ANKRD44: variants seen among roughly 807,000 people sequenced by gnomAD.
The protein encoded by ANKRD44 is ankyrin repeat domain 44.
Under a neutral mutation model 116.0 loss-of-function variants are expected in ANKRD44, and 35 were observed. That is an observed-to-expected ratio of 0.30 (90% CI 0.23 to 0.40). ANKRD44 has a LOEUF of 0.40. Ranked by LOEUF, ANKRD44 falls within the 10% of genes least tolerant of loss-of-function variation. ANKRD44 has a pLI of 1.00. For missense variants in ANKRD44, 1,014 were observed against 1,242.6 expected, an observed-to-expected ratio of 0.82 and a Z score of 2.77; for synonymous variants, 435 against 461.8, an observed-to-expected ratio of 0.94 and a Z score of 0.74.
At chr2:197,128,509 G>GTC (rs1464623159) in intron 4 of ANKRD44, among the ~76,000 whole-genome samples, 1 of 152,154 alleles carries the variant, frequency 6.6e-6, no homozygotes, top group Non-Finnish European at 1.5e-5. Flanking sequence ...ATAAATTTGT[G>GTC]TAAGTTCCTT....
intron 21 of ANKRD44, among the ~76,000 whole-genome samples, chr2:196,975,176 G>A (rs1048943081): frequency 6.6e-6 from 1 of 152,106 alleles, no homozygotes; most frequent in Admixed American, 6.5e-5. Flanking sequence ...GGAATACTAT[G>A]AAAAATTGTA....
intron 3 of ANKRD44, among the ~76,000 whole-genome samples, chr2:197,142,500 T>C (rs1176442133): frequency 1.3e-5 from 2 of 152,204 alleles, no homozygotes; most frequent in South Asian, 2.1e-4. Context: ...ACAATTACCA[T>C]AGAAGAGGGT....
intron 1 of ANKRD44, among the ~76,000 whole-genome samples, chr2:197,293,583 A>G (rs1052001690): frequency 1.3e-5 from 2 of 152,196 alleles, no homozygotes; most frequent in Non-Finnish European, 2.9e-5. Context: ...CAAAATTCTA[A>G]AAAAAGAAAA....
At chr2:197,202,130 A>G (rs1245908568) in intron 1 of ANKRD44, among the ~76,000 whole-genome samples, 2 of 152,208 alleles carry the variant, frequency 1.3e-5, no homozygotes, top group Non-Finnish European at 2.9e-5. Context: ...GCTTGCTCTC[A>G]CTTTTAGAGT....
intron 3 of ANKRD44, among the ~76,000 whole-genome samples, chr2:197,145,765 G>A (rs1051697522): frequency 2.0e-5 from 3 of 152,124 alleles, no homozygotes; most frequent in Non-Finnish European, 2.9e-5. Context: ...CACCACATCT[G>A]CTTGAATGCA....
chr2:197,307,949 TGTTTGAGCCCAAGA>T (rs2084122717), intron 1 of ANKRD44, among the ~76,000 whole-genome samples: 1 of 152,134 alleles, frequency 6.6e-6, no homozygotes, highest in Non-Finnish European at 1.5e-5. Flanking sequence ...GCAGGTGGAC[TGTTTGAGCCCAAGA>T]GTTTGAGACC....
intron 1 of ANKRD44, among the ~76,000 whole-genome samples, chr2:197,211,173 T>A (rs1313577683): frequency 6.6e-6 from 1 of 152,156 alleles, no homozygotes; most frequent in Admixed American, 6.5e-5. Flanking sequence ...TTTGGGCAGA[T>A]CCAAGGACAC....
rs1372491974 is a variant in ANKRD44, at chr2:196,989,461, A to C, written c.*130T>G. 1 of 1,296,566 alleles carries C rather than the reference A, an allele frequency of 7.7e-7. No homozygotes were observed. The allele number at this position is 1,296,566 out of a possible 1,614,324, so 80.3% of individuals were successfully genotyped here. A position where few individuals can be genotyped will look rare whatever the true frequency, so the allele number is the denominator to read the frequency against. ...TGAAGGAAAAAAATGTGTATCTTCC[A>C]TTTTAGACTGAAGCATTTTGGTCCT... is the stretch of plus-strand genomic sequence containing the variant. On this transcript the variant is annotated 3_prime_UTR_variant, in exon 28 of 28. Transcript: ENST00000282272.
chr2:197,008,371 G>A (rs1298869240), intron 19 of ANKRD44, among the ~76,000 whole-genome samples: 1 of 152,180 alleles, frequency 6.6e-6, no homozygotes, highest in African/African-American at 2.4e-5. Flanking sequence ...CAAGTCTCCG[G>A]GAAAGAATGA....
intron 16 of ANKRD44, among the ~76,000 whole-genome samples, chr2:197,038,230 G>A (rs1029222838): frequency 1.1e-4 from 17 of 152,276 alleles, no homozygotes; most frequent in Middle Eastern, 3.4e-3. Flanking sequence ...GATGATAATG[G>A]AGGAGGCTGT....
chr2:197,295,594 T>C (rs2083696734), intron 1 of ANKRD44, among the ~76,000 whole-genome samples: 1 of 152,168 alleles, frequency 6.6e-6, no homozygotes, highest in Non-Finnish European at 1.5e-5. Context: ...GTTAAAACTA[T>C]AGAAGACTGG....
chr2:197,254,201 C>T (rs57403729), intron 1 of ANKRD44, among the ~76,000 whole-genome samples: 17,498 of 152,106 alleles, frequency 0.12, 1,089 homozygotes, highest in African/African-American at 0.14. Flanking sequence ...GAGACCAGCC[C>T]GACCAACATG....
At chr2:197,103,754 C>G (rs2078360102) in intron 9 of ANKRD44, among the ~76,000 whole-genome samples, 1 of 151,898 alleles carries the variant, frequency 6.6e-6, no homozygotes, top group Non-Finnish European at 1.5e-5. Context: ...AAGAAGAAAA[C>G]AGAAGTCATC....
At chr2:197,194,854 T>C (rs963944167) in intron 1 of ANKRD44, among the ~76,000 whole-genome samples, 2 of 152,122 alleles carry the variant, frequency 1.3e-5, no homozygotes, top group Non-Finnish European at 1.5e-5. Context: ...GGGCTCCGCA[T>C]GGGTCTGAGT....
At chr2:197,142,991 AAG>A (rs985351954) in intron 3 of ANKRD44, among the ~76,000 whole-genome samples, 28 of 151,356 alleles carry the variant, frequency 1.8e-4, no homozygotes, top group African/African-American at 6.5e-4. Context: ...AAAAAAAAAA[AAG>A]TAAATTAAAT....
At position 197,246,221 on chromosome 2, in the gene ANKRD44, C is replaced by G. The variant is rs183241264; in HGVS notation, c.28-59115G>C. On this transcript the variant is annotated intron_variant, in intron 1 of 27. Coordinates refer to ENST00000282272, the MANE Select transcript of ANKRD44 (RefSeq NM_001195144.2). The stretch of plus-strand genomic sequence containing the variant: ...TATTTATTTAGACAGTGATCTCACT[C>G]TGTCACCCAGGCTGGAGTACAATGG... 1.9e-3 allele frequency among the ~76,000 whole-genome samples: 284 copies of G among 152,142 alleles called. 1 individual carries two copies. The highest frequency in any genetic ancestry group is 6.7e-3 in the African/African-American group (278 of 41,484).
At chr2:197,279,552 C>A (rs377732859) in intron 1 of ANKRD44, among the ~76,000 whole-genome samples, 1 of 152,328 alleles carries the variant, frequency 6.6e-6, no homozygotes, top group East Asian at 1.9e-4. Context: ...TGCCCATACA[C>A]ACCCTCTGCT....
chr2:197,144,698 G>C (rs1426079984), intron 3 of ANKRD44, among the ~76,000 whole-genome samples: 1 of 152,196 alleles, frequency 6.6e-6, no homozygotes, highest in Non-Finnish European at 1.5e-5. Context: ...CAAGTGAATA[G>C]ATTAAAATAT....
chr2:197,068,358 T>TAATAAAAAA (rs1339723356), intron 16 of ANKRD44, among the ~76,000 whole-genome samples: 8 of 94,702 alleles, frequency 8.4e-5, no homozygotes, highest in African/African-American at 2.6e-4. Context: ...ACTTAGAGTA[T>TAATAAAAAA]AATAAAAAAA....
Sources: gnomAD v4.1 joint callset for allele counts (sites outside exome capture counted in the v4.1 genomes callset) on GRCh38, gnomAD v4.1.1 for gene constraint, MANE v1.5 for transcripts, NCBI Gene and HGNC (gene_info 2026-07-23, HGNC 2026-07-21) for gene names.